Variants in RALGPS1 observed in about 807,000 individuals in gnomAD.
RALGPS1 encodes ras-specific guanine nucleotide-releasing factor RalGPS1.
RALGPS1 carries 19 observed loss-of-function variants against 78.8 expected under a neutral mutation model. The observed-to-expected ratio is 0.24, with a 90% CI of 0.17 to 0.35. The LOEUF (loss-of-function observed/expected upper bound fraction) is 0.35. Among genes scored for constraint, RALGPS1 ranks in the 10% least tolerant of loss-of-function variants. The probability of loss-of-function intolerance (pLI) is 1.00; values close to 1 mark genes in which losing one functional copy is unlikely to be tolerated. For missense variants in RALGPS1, 454 were observed against 688.3 expected (o/e 0.66, Z 3.81); for synonymous variants, 228 against 256.3 (o/e 0.89, Z 1.06).
rs758804203 is a variant in RALGPS1, at chr9:126,965,884, A to G, written c.98A>G (p.Asp33Gly). 3.1e-6 allele frequency: 5 copies of G among 1,614,158 alleles called. No individual in the cohort carries two copies. The highest frequency in any genetic ancestry group is 4.2e-6 in the Non-Finnish European group (5 of 1,180,000). Reference sequence around the variant, plus strand: ...GACTCTCTGGAGGGCCAGAGCTGCGACTATGCCAGCAAGAGCTATGATGCC... The same window carrying G: ...GACTCTCTGGAGGGCCAGAGCTGCGGCTATGCCAGCAAGAGCTATGATGCC... Reference protein sequence around the residue: ...SSDSLEGQSCDYASKSYDAVV... With the variant: ...SSDSLEGQSCGYASKSYDAVV... Residue 33 changes from aspartate to glycine, a missense_variant, in exon 3 of 19, where the codon GAC becomes GGC. Physicochemically the swap from Asp to Gly is moderately conservative, Grantham distance 94 (BLOSUM62 -1). Coordinates refer to ENST00000259351, the MANE Select transcript of RALGPS1 (RefSeq NM_014636.3).
intron 8 of RALGPS1, chr9:127,108,919 G>A (rs986573124): frequency 1.7e-5 from 11 of 635,614 alleles, no homozygotes; most frequent in Non-Finnish European, 2.9e-5. Flanking sequence ...ATATTCTCTT[G>A]GAGTCAGAGA....
chr9:127,036,719 C>T (rs1177086827), intron 5 of RALGPS1, among the ~76,000 whole-genome samples: 1 of 152,136 alleles, frequency 6.6e-6, no homozygotes, highest in Non-Finnish European at 1.5e-5. Context: ...GCCAAGTTCA[C>T]TAAAGGTCTT....
chr9:127,159,761 T>A (rs2058916920), intron 8 of RALGPS1, among the ~76,000 whole-genome samples: 1 of 152,212 alleles, frequency 6.6e-6, no homozygotes, highest in Non-Finnish European at 1.5e-5. Flanking sequence ...AATGAGCTGC[T>A]GCTTTGTTAT....
At chr9:127,206,988 AT>A (rs201871697) in intron 14 of RALGPS1, among the ~76,000 whole-genome samples, 2,493 of 152,216 alleles carry the variant, frequency 0.016, 25 homozygotes, top group Middle Eastern at 0.034. Flanking sequence ...TTCTTTATCT[AT>A]AAGGTGGGGA....
At chr9:127,135,840 A>G (rs1431234468) in intron 8 of RALGPS1, among the ~76,000 whole-genome samples, 1 of 152,226 alleles carries the variant, frequency 6.6e-6, no homozygotes, top group Non-Finnish European at 1.5e-5. Flanking sequence ...AAGGAGAACA[A>G]AGATGAACTT....
chr9:126,979,548 G>C (rs760316392), intron 4 of RALGPS1, among the ~76,000 whole-genome samples: 6 of 152,110 alleles, frequency 3.9e-5, no homozygotes, highest in Non-Finnish European at 5.9e-5. Context: ...TTCTTCATCC[G>C]AACATCAAGG....
Position 126,959,677 on chromosome 9 carries a change from C to G in RALGPS1, c.-65-2548C>G, listed in dbSNP as rs1588654504. Reference sequence around the variant, plus strand: ...CTGGTACAATGAACTCCTCTATACCCTCTTGACTAGATTCAGCCATCGTTA... The same window carrying G: ...CTGGTACAATGAACTCCTCTATACCGTCTTGACTAGATTCAGCCATCGTTA... On this transcript the variant is annotated intron_variant, in intron 1 of 18. Coordinates refer to ENST00000259351, the MANE Select transcript of RALGPS1 (RefSeq NM_014636.3). Among the ~76,000 whole-genome samples, 4 of 152,048 alleles carry G rather than the reference C, an allele frequency of 2.6e-5. No homozygotes were observed. The South Asian group carries it at 8.3e-4, about 32-fold the overall frequency.
chr9:127,003,446 T>G, intron 4 of RALGPS1, among the ~76,000 whole-genome samples: 1 of 151,876 alleles, frequency 6.6e-6, no homozygotes, highest in Non-Finnish European at 1.5e-5. Flanking sequence ...AAAAAACACA[T>G]GAAAAAATGT....
chr9:127,068,791 G>C (rs2049934626), intron 7 of RALGPS1, among the ~76,000 whole-genome samples: 1 of 152,154 alleles, frequency 6.6e-6, no homozygotes, highest in South Asian at 2.1e-4. Context: ...CAGAGTAGCA[G>C]CTCAGAGGCA....
chr9:127,049,918 C>G, intron 5 of RALGPS1, 125 bp from the exon 6 acceptor site: 6 of 721,224 alleles, frequency 8.3e-6, no homozygotes, highest in Non-Finnish European at 1.5e-5. Context: ...CCAGGCTATC[C>G]TCTCCCAGTT....
rs550117188 is a variant in RALGPS1 at position 127,034,353 on chromosome 9, C to T, written c.217-78C>T. On this transcript the variant is annotated intron_variant, in intron 4 of 18. Coordinates refer to ENST00000259351, the MANE Select transcript of RALGPS1 (RefSeq NM_014636.3). ...GCCCTTTCCCACCTTCATGCATGCT[C>T]ATGTTCCCATTTAATGCCCCTGGTG... 1.8e-4 allele frequency: 225 copies of T among 1,274,534 alleles called. 1 individual carries two copies. In the East Asian group the frequency reaches 2.8e-3, roughly 16 times the overall value. 79.0% of individuals were successfully genotyped at this position (1,274,534 alleles called of 1,614,324 possible).
intron 7 of RALGPS1, among the ~76,000 whole-genome samples, chr9:127,061,200 A>C (rs1367764702): frequency 6.6e-6 from 1 of 152,178 alleles, no homozygotes; most frequent in Non-Finnish European, 1.5e-5. Flanking sequence ...TGACCCTAAA[A>C]AACAAACCAT....
chr9:126,988,061 G>A (rs181003651), intron 4 of RALGPS1, among the ~76,000 whole-genome samples: 17 of 152,284 alleles, frequency 1.1e-4, no homozygotes, highest in African/African-American at 1.7e-4. Context: ...CTGTCATGAC[G>A]GGAGAAGTGT....
At chr9:127,069,554 T>A (rs2050013685) in intron 8 of RALGPS1, 198 bp downstream of exon 8, 1 of 544,870 alleles carries the variant, frequency 1.8e-6, no homozygotes, top group Non-Finnish European at 3.2e-6. Context: ...GATATACAAG[T>A]GATGTTCTGC....
At chr9:126,972,315 G>A (rs2040196936) in intron 3 of RALGPS1, among the ~76,000 whole-genome samples, 1 of 152,178 alleles carries the variant, frequency 6.6e-6, no homozygotes, top group Non-Finnish European at 1.5e-5. Flanking sequence ...TTAAAAACTG[G>A]TAAATATGAG....
intron 8 of RALGPS1, among the ~76,000 whole-genome samples, chr9:127,105,848 C>T (rs1450126482): frequency 6.6e-6 from 1 of 152,188 alleles, no homozygotes; most frequent in Non-Finnish European, 1.5e-5. Context: ...CACCTACTTC[C>T]CCAAGTCTAG....
At chr9:127,184,317 C>T in intron 11 of RALGPS1, 3 of 316,498 alleles carry the variant, frequency 9.5e-6, no homozygotes, top group South Asian at 3.2e-5. Flanking sequence ...AAGACCTTGT[C>T]TCAGGAAAAA....
At chr9:126,959,805 C>T (rs950477761) in intron 1 of RALGPS1, among the ~76,000 whole-genome samples, 7 of 152,168 alleles carry the variant, frequency 4.6e-5, no homozygotes, top group African/African-American at 1.7e-4. Context: ...ACACACACCT[C>T]ACTAAGGATA....
intron 14 of RALGPS1, among the ~76,000 whole-genome samples, chr9:127,199,336 T>G (rs1489693922): frequency 6.6e-6 from 1 of 152,130 alleles, no homozygotes; most frequent in African/African-American, 2.4e-5. Flanking sequence ...GCAGGAGGCC[T>G]GTGAGTAGAT....
Sources: allele counts gnomAD v4.1 joint callset (sites outside exome capture counted in the v4.1 genomes callset), GRCh38; gene constraint gnomAD v4.1.1; transcripts MANE v1.5; gene names NCBI Gene and HGNC (gene_info 2026-07-23, HGNC 2026-07-21).